SLC4A10: variants seen among roughly 807,000 people sequenced by gnomAD.
SLC4A10 encodes the protein solute carrier family 4 member 10.
In SLC4A10, 42 loss-of-function variants were observed where a neutral mutation model predicts 137.7. The ratio of observed to expected loss-of-function variants is 0.30; its 90% CI spans 0.24 to 0.39. SLC4A10 has a LOEUF of 0.39. Among genes scored for constraint, SLC4A10 ranks in the 10% least tolerant of loss-of-function variants. The probability of loss-of-function intolerance (pLI) is 1.00; values close to 1 mark genes in which losing one functional copy is unlikely to be tolerated. For synonymous variants in SLC4A10, 474 were observed against 464.1 expected (o/e 1.02, Z -0.27); for missense variants, 925 against 1,355.0 (o/e 0.68, Z 4.98).
chr2:161,774,947 T>C (rs912311914), intron 2 of SLC4A10, among the ~76,000 whole-genome samples: 2 of 151,892 alleles, frequency 1.3e-5, no homozygotes, highest in South Asian at 2.1e-4. Flanking sequence ...ACTTGGTAGT[T>C]GGCAGGAGCA....
chr2:161,670,321 A>C, intron 1 of SLC4A10, among the ~76,000 whole-genome samples: 1 of 139,120 alleles, frequency 7.2e-6, no homozygotes. Flanking sequence ...TTCCATCCAC[A>C]GGTTTTATTG....
At chr2:161,626,250 T>C (rs2032341149) in intron 1 of SLC4A10, among the ~76,000 whole-genome samples, 1 of 152,042 alleles carries the variant, frequency 6.6e-6, no homozygotes, top group South Asian at 2.1e-4. Flanking sequence ...TGATGTGGCT[T>C]ATGGATTGTC....
intron 1 of SLC4A10, among the ~76,000 whole-genome samples, chr2:161,745,027 T>A (rs1047844919): frequency 7.2e-5 from 11 of 152,182 alleles, no homozygotes; most frequent in African/African-American, 2.7e-4. Flanking sequence ...ACAAGTCTTG[T>A]GTTGACAAAA....
At chr2:161,722,283 A>G (rs1335081654) in intron 1 of SLC4A10, among the ~76,000 whole-genome samples, 1 of 152,100 alleles carries the variant, frequency 6.6e-6, no homozygotes, top group Non-Finnish European at 1.5e-5. Context: ...AGTTTTCAGA[A>G]TGTTTGCATT....
intron 1 of SLC4A10, among the ~76,000 whole-genome samples, chr2:161,669,537 A>G (rs1203872614): frequency 5.3e-5 from 8 of 152,016 alleles, no homozygotes; most frequent in Admixed American, 5.3e-4. Context: ...TCATACAAAT[A>G]CTATTATATA....
Position 161,873,910 on chromosome 2 carries a change from G to T in SLC4A10, c.859-6G>T, listed in dbSNP as rs1410671372. The T allele has an allele frequency of 6.3e-7, 1 of 1,591,052 alleles. No homozygotes were observed. Among genetic ancestry groups the T allele is most frequent in the East Asian group, 2.2e-5 (1 of 44,596 alleles). On this transcript the variant is annotated splice_polypyrimidine_tract_variant and splice_region_variant and intron_variant, in intron 7 of 26. Coordinates refer to ENST00000446997, the MANE Select transcript of SLC4A10 (RefSeq NM_001178015.2). The stretch of plus-strand genomic sequence containing the variant: ...ACCAGCTTAAGTCTGTTAATTATGC[G>T]TGCAGGGACTGGGAGGCCAACAAAA...
chr2:161,732,485 T>G (rs182955174), intron 1 of SLC4A10, among the ~76,000 whole-genome samples: 1 of 152,230 alleles, frequency 6.6e-6, no homozygotes, highest in Non-Finnish European at 1.5e-5. Flanking sequence ...AGTAAAAGAA[T>G]GTACAACTTA....
chr2:161,806,329 G>A (rs2055952425), intron 3 of SLC4A10, among the ~76,000 whole-genome samples: 1 of 152,050 alleles, frequency 6.6e-6, no homozygotes, highest in Non-Finnish European at 1.5e-5. Flanking sequence ...CATTGTCTTG[G>A]GGATTAACAT....
intron 1 of SLC4A10, among the ~76,000 whole-genome samples, chr2:161,660,875 T>A: frequency 6.6e-6 from 1 of 151,322 alleles, no homozygotes; most frequent in Non-Finnish European, 1.5e-5. Flanking sequence ...TTAGCCAGGA[T>A]GGTCTAGATC....
intron 4 of SLC4A10, among the ~76,000 whole-genome samples, chr2:161,840,337 G>C (rs980958812): frequency 6.6e-6 from 1 of 152,128 alleles, no homozygotes; most frequent in African/African-American, 2.4e-5. Context: ...TACAGTCCTG[G>C]ATTTCATGTG....
rs146978575 is a variant in SLC4A10 at position 161,816,596 on chromosome 2, A to G, written c.277+12001A>G. ...TGCACCCATTAACTCGTCATTTAGC[A>G]TTAGGTATATCTCCCAATGCTATCC... On this transcript the variant is annotated intron_variant, in intron 3 of 26. Coordinates refer to ENST00000446997, the MANE Select transcript of SLC4A10 (RefSeq NM_001178015.2). Among the ~76,000 whole-genome samples, 3,475 of 151,766 alleles carry G rather than the reference A, an allele frequency of 0.023. 266 individuals are homozygous for G. In the East Asian group the frequency reaches 0.26, roughly 11 times the overall value.
At chr2:161,917,140 G>A (rs1438868045) in intron 15 of SLC4A10, among the ~76,000 whole-genome samples, 1 of 152,124 alleles carries the variant, frequency 6.6e-6, no homozygotes, top group Non-Finnish European at 1.5e-5. Context: ...GAGTATGCCT[G>A]CCTTCTTTCA....
chr2:161,976,894 A>C lies in SLC4A10; in HGVS notation c.3344+18A>C. On this transcript the variant is annotated intron_variant, in intron 25 of 26. Transcript: ENST00000446997. Reference sequence around the variant, plus strand: ...TCCAAAAGGTTTGGATTTTAAAATAATGAGAATTTATACTAATTCCAATTG... The same window carrying C: ...TCCAAAAGGTTTGGATTTTAAAATACTGAGAATTTATACTAATTCCAATTG... 1 of 1,330,006 alleles carries C rather than the reference A, an allele frequency of 7.5e-7. No homozygotes were observed. The highest frequency in any genetic ancestry group is 1.0e-6 in the Non-Finnish European group (1 of 954,964). The allele number at this position is 1,330,006 out of a possible 1,614,324, so 82.4% of individuals were successfully genotyped here.
chr2:161,837,378 G>T (rs1023492465), intron 3 of SLC4A10, among the ~76,000 whole-genome samples: 1 of 152,080 alleles, frequency 6.6e-6, no homozygotes, highest in Non-Finnish European at 1.5e-5. Context: ...ATTTAACAAA[G>T]CAGGTAGAAG....
intron 1 of SLC4A10, among the ~76,000 whole-genome samples, chr2:161,735,221 GAAGT>G (rs1409569494): frequency 1.2e-4 from 18 of 149,858 alleles, no homozygotes; most frequent in African/African-American, 3.7e-4. Flanking sequence ...GAAAACATAG[GAAGT>G]AAGTAATTTT....
At chr2:161,979,967 A>T (rs1699987136) in intron 26 of SLC4A10, among the ~76,000 whole-genome samples, 1 of 152,210 alleles carries the variant, frequency 6.6e-6, no homozygotes, top group Non-Finnish European at 1.5e-5. Flanking sequence ...AGAATCTAAG[A>T]ACTAACGGCA....
chr2:161,946,499 T>A (rs1352136524), intron 16 of SLC4A10, among the ~76,000 whole-genome samples: 1 of 152,076 alleles, frequency 6.6e-6, no homozygotes, highest in Non-Finnish European at 1.5e-5. Context: ...AAGATCTCTC[T>A]GCAATTCAAT....
At chr2:161,719,414 C>T (rs977877092) in intron 1 of SLC4A10, among the ~76,000 whole-genome samples, 1 of 151,908 alleles carries the variant, frequency 6.6e-6, no homozygotes, top group African/African-American at 2.4e-5. Flanking sequence ...TTTGGGTATA[C>T]TCAGTAATGG....
chr2:161,698,030 G>A lies in SLC4A10; in HGVS notation c.49-72943G>A, dbSNP rs189553017. Reference sequence around the variant, plus strand: ...CTTGAAGAGGTCTTTCACATCCCTTGTAAGTTGGATTCCTAGGTATTTTAT... The same window carrying A: ...CTTGAAGAGGTCTTTCACATCCCTTATAAGTTGGATTCCTAGGTATTTTAT... On this transcript the variant is annotated intron_variant, in intron 1 of 26. Coordinates refer to ENST00000446997, the MANE Select transcript of SLC4A10 (RefSeq NM_001178015.2). Among the ~76,000 whole-genome samples the A allele has an allele frequency of 3.5e-3, 537 of 152,272 alleles. 3 individuals are homozygous for A. The highest frequency in any genetic ancestry group is 0.012 in the African/African-American group (507 of 41,564).
Sources: gnomAD v4.1 joint callset for allele counts (sites outside exome capture counted in the v4.1 genomes callset) on GRCh38, gnomAD v4.1.1 for gene constraint, MANE v1.5 for transcripts, NCBI Gene and HGNC (gene_info 2026-07-23, HGNC 2026-07-21) for gene names.